SLAIN2: variants seen among roughly 807,000 people sequenced by gnomAD.
The protein encoded by SLAIN2 is SLAIN family member 2, also known as SLAIN motif-containing protein 2.
In SLAIN2, 31 loss-of-function variants were observed where a neutral mutation model predicts 56.6. That is an observed-to-expected ratio of 0.55 (90% confidence interval 0.41 to 0.74). The LOEUF is 0.74. Ranked by LOEUF, SLAIN2 falls within the 30% of genes least tolerant of loss-of-function variation. SLAIN2 has a pLI of 0.00. For synonymous variants in SLAIN2, 317 were observed against 284.9 expected (o/e 1.11, Z -1.13); for missense variants, 777 against 754.2 (o/e 1.03, Z -0.35).
intron 1 of SLAIN2, among the ~76,000 whole-genome samples, chr4:48,361,652 G>A (rs954135811): frequency 3.3e-5 from 5 of 151,996 alleles, no homozygotes; most frequent in African/African-American, 9.7e-5. Context: ...TGTTTTATCC[G>A]TTCTTTGGCC....
chr4:48,416,719 A>G (rs1337078283), intron 6 of SLAIN2, among the ~76,000 whole-genome samples: 2 of 150,738 alleles, frequency 1.3e-5, no homozygotes, highest in African/African-American at 4.9e-5. Context: ...CCGCTCAACT[A>G]CATGGAAACT....
Position 48,422,341 on chromosome 4 carries a change from A to T in SLAIN2, c.*264A>T, listed in dbSNP as rs1560468302. On this transcript the variant is annotated 3_prime_UTR_variant, in exon 8 of 8. Coordinates refer to ENST00000264313, the MANE Select transcript of SLAIN2 (RefSeq NM_020846.2). Reference sequence around the variant, plus strand: ...TTTAATAGAAACTAGGTTGATTTTTAAAAAATATTTGACAGAGGCCAATAT... The same window carrying T: ...TTTAATAGAAACTAGGTTGATTTTTTAAAAATATTTGACAGAGGCCAATAT... The T allele has an allele frequency of 3.2e-6, 1 of 316,624 alleles. No individual in the cohort carries two copies. The highest frequency in any genetic ancestry group is 5.8e-6 in the Non-Finnish European group (1 of 172,826). The allele number at this position is 316,624 out of a possible 1,614,324, so 19.6% of individuals were successfully genotyped here. A position where few individuals can be genotyped will look rare whatever the true frequency, so the allele number is the denominator to read the frequency against.
intron 6 of SLAIN2, among the ~76,000 whole-genome samples, chr4:48,407,841 A>G (rs1716740246): frequency 6.6e-6 from 1 of 152,200 alleles, no homozygotes; most frequent in South Asian, 2.1e-4. Context: ...ACTTATTAAT[A>G]GAACTCCTCA....
rs772220315 is a variant in SLAIN2 at position 48,382,554 on chromosome 4, T to G, written c.863-14T>G. 4 of 1,531,588 alleles carry G rather than the reference T, an allele frequency of 2.6e-6. No homozygotes were observed. The allele number at this position is 1,531,588 out of a possible 1,614,324, so 94.9% of individuals were successfully genotyped here. A position where few individuals can be genotyped will look rare whatever the true frequency, so the allele number is the denominator to read the frequency against. On this transcript the variant is annotated splice_polypyrimidine_tract_variant and intron_variant, in intron 4 of 7. Transcript: ENST00000264313. ...AAAAATATTGTTTAAATAAATAACA[T>G]TCATTGTTGCCAGGTCTCCGGCAAG... is the stretch of plus-strand genomic sequence containing the variant.
chr4:48,362,072 T>G (rs1237916317), intron 1 of SLAIN2, among the ~76,000 whole-genome samples: 2 of 152,170 alleles, frequency 1.3e-5, no homozygotes, highest in East Asian at 3.8e-4. Flanking sequence ...ATAATGGATT[T>G]TCTATATGCA....
Position 48,342,299 on chromosome 4 carries a change from G to A in SLAIN2, c.389+171G>A, listed in dbSNP as rs534536513. Reference sequence around the variant, plus strand: ...GAGGGAACGTCAGCTGGAGTTGGGGGTTCGAGGCGTGCGCAAGTAACAGGG... The same window carrying A: ...GAGGGAACGTCAGCTGGAGTTGGGGATTCGAGGCGTGCGCAAGTAACAGGG... On this transcript the variant is annotated intron_variant, in intron 1 of 7. Coordinates refer to ENST00000264313, the MANE Select transcript of SLAIN2 (RefSeq NM_020846.2). 3.3e-5 allele frequency among the ~76,000 whole-genome samples: 5 copies of A among 152,374 alleles called. No individual in the cohort carries two copies. The Middle Eastern group carries it at 0.017, about 518-fold the overall frequency.
intron 6 of SLAIN2, among the ~76,000 whole-genome samples, chr4:48,403,425 C>A (rs1716609575): frequency 6.6e-6 from 1 of 152,156 alleles, no homozygotes; most frequent in Admixed American, 6.5e-5. Context: ...CACAGGGAGG[C>A]CTTGCCCAGT....
At chr4:48,416,608 G>A (rs34304088) in intron 6 of SLAIN2, among the ~76,000 whole-genome samples, 3,600 of 151,560 alleles carry the variant, frequency 0.024, 142 homozygotes, top group African/African-American at 0.083. Flanking sequence ...TTGAATAGGA[G>A]CGGTGAGAGA....
intron 6 of SLAIN2, among the ~76,000 whole-genome samples, chr4:48,413,537 A>G (rs187719439): frequency 4.6e-5 from 7 of 152,312 alleles, no homozygotes; most frequent in Non-Finnish European, 1.0e-4. Flanking sequence ...TACTTGTGTC[A>G]GTAAATTGTG....
Position 48,412,407 on chromosome 4 carries a change from CACACACACA to C in SLAIN2, c.1361-7717_1361-7709del, listed in dbSNP as rs1560465861. 4.1e-3 allele frequency among the ~76,000 whole-genome samples: 260 copies of C among 63,132 alleles called. 8 individuals are homozygous for C. The highest frequency in any genetic ancestry group is 8.0e-3 in the Non-Finnish European group (215 of 26,938). 41.4% of individuals were successfully genotyped at this position (63,132 alleles called of 152,430 possible). A position where few individuals can be genotyped will look rare whatever the true frequency, so the allele number is the denominator to read the frequency against. On this transcript the variant is annotated intron_variant, in intron 6 of 7. Transcript: ENST00000264313. Reference sequence around the variant, plus strand: ...ACACACACACACACACACACACACACACACACACATTCCCTCTCTCTCTCTCTCTCTGTG... The same window carrying C: ...ACACACACACACACACACACACACACTTCCCTCTCTCTCTCTCTCTCTGTG...
At chr4:48,348,524 C>T (rs1173828835) in intron 1 of SLAIN2, among the ~76,000 whole-genome samples, 3 of 151,752 alleles carry the variant, frequency 2.0e-5, no homozygotes, top group East Asian at 1.9e-4. Context: ...CCTGTCTCTG[C>T]TAAAAATACA....
chr4:48,398,908 T>G (rs914665579), intron 6 of SLAIN2, among the ~76,000 whole-genome samples: 1 of 152,182 alleles, frequency 6.6e-6, no homozygotes, highest in African/African-American at 2.4e-5. Flanking sequence ...CCTTGTAGTA[T>G]AGTTTGAAGT....
intron 1 of SLAIN2, among the ~76,000 whole-genome samples, chr4:48,346,233 A>T (rs1279057568): frequency 4.6e-5 from 7 of 151,948 alleles, no homozygotes; most frequent in African/African-American, 1.4e-4. Flanking sequence ...CTTTCTAGAC[A>T]CTGCTTATTT....
chr4:48,420,457 G>A lies in SLAIN2; in HGVS notation c.1679+14G>A, dbSNP rs1717119521. On this transcript the variant is annotated intron_variant, in intron 7 of 7. Coordinates refer to ENST00000264313, the MANE Select transcript of SLAIN2 (RefSeq NM_020846.2). Reference sequence around the variant, plus strand: ...GCCTGTTCGCAGGTAAGTGGCAGATGTTCTGTTTCAGCATTCTTGAGTGCC... The same window carrying A: ...GCCTGTTCGCAGGTAAGTGGCAGATATTCTGTTTCAGCATTCTTGAGTGCC... 6.2e-7 allele frequency: 1 copy of A among 1,612,082 alleles called. No homozygotes were observed. Among genetic ancestry groups the A allele is most frequent in the Non-Finnish European group, 8.5e-7 (1 of 1,178,548 alleles).
intron 1 of SLAIN2, among the ~76,000 whole-genome samples, chr4:48,344,695 T>C (rs527297374): frequency 1.3e-5 from 2 of 149,690 alleles, no homozygotes; most frequent in East Asian, 3.9e-4. Flanking sequence ...ATACTCTTCT[T>C]TTTTTTTTTG....
chr4:48,406,974 A>G (rs1716715051), intron 6 of SLAIN2, among the ~76,000 whole-genome samples: 1 of 152,092 alleles, frequency 6.6e-6, no homozygotes, highest in Admixed American at 6.5e-5. Context: ...ATGTCTTAGT[A>G]TTGATCATTC....
At chr4:48,403,257 TG>T (rs1195830186) in intron 6 of SLAIN2, among the ~76,000 whole-genome samples, 2 of 152,140 alleles carry the variant, frequency 1.3e-5, no homozygotes, top group South Asian at 4.1e-4. Flanking sequence ...TGTGGTGCTC[TG>T]GGGGGATCCC....
intron 6 of SLAIN2, among the ~76,000 whole-genome samples, chr4:48,410,972 TCCTCTTCC>T (rs1716829075): frequency 6.6e-6 from 1 of 152,156 alleles, no homozygotes; most frequent in Non-Finnish European, 1.5e-5. Flanking sequence ...CTCTTCCTCC[TCCTCTTCC>T]CTTCCCTCTT....
chr4:48,420,532 T>A, intron 7 of SLAIN2, 89 bp downstream of exon 7: 1 of 1,436,664 alleles, frequency 7.0e-7, no homozygotes, highest in Non-Finnish European at 9.5e-7. Context: ...TGTTTGATAG[T>A]AAACAGAAAG....
Sources: gnomAD v4.1 joint callset for allele counts (sites outside exome capture counted in the v4.1 genomes callset) on GRCh38, gnomAD v4.1.1 for gene constraint, MANE v1.5 for transcripts, NCBI Gene and HGNC (gene_info 2026-07-23, HGNC 2026-07-21) for gene names.